ERP44: variants seen among roughly 807,000 people sequenced by gnomAD.
ERP44 encodes the protein endoplasmic reticulum protein 44.
Under a neutral mutation model 53.4 loss-of-function variants are expected in ERP44, and 25 were observed. That is an observed-to-expected ratio of 0.47 (90% CI 0.34 to 0.65). The LOEUF is 0.65. Ranked by LOEUF, ERP44 falls within the 30% of genes least tolerant of loss-of-function variation. ERP44 has a pLI of 0.01. For missense variants in ERP44, 338 were observed against 493.2 expected, an observed-to-expected ratio of 0.69 and a Z score of 2.98; for synonymous variants, 145 against 161.2, an observed-to-expected ratio of 0.90 and a Z score of 0.76.
chr9:100,023,453 G>A (rs1186925310), intron 4 of ERP44, among the ~76,000 whole-genome samples: 2 of 140,510 alleles, frequency 1.4e-5, no homozygotes, highest in African/African-American at 5.3e-5. Flanking sequence ...TTTGAAGACA[G>A]GGTCTTGCTC....
chr9:100,008,403 A>T (rs1830440473), intron 8 of ERP44, among the ~76,000 whole-genome samples: 2 of 152,212 alleles, frequency 1.3e-5, no homozygotes. Context: ...AGAATACTAC[A>T]ATGGGTAGAC....
At chr9:100,069,693 G>A (rs1208986816) in intron 1 of ERP44, among the ~76,000 whole-genome samples, 1 of 152,084 alleles carries the variant, frequency 6.6e-6, no homozygotes, top group Non-Finnish European at 1.5e-5. Flanking sequence ...ATATGGTGCA[G>A]AAATGCTTGA....
chr9:100,066,285 T>C lies in ERP44; in HGVS notation c.58-6113A>G, dbSNP rs1826208915. ...AAATTGCTGTGCTTTTAGAAAAATG[T>C]AGAATGAATCTGTAACCTATCAGAG... is the stretch of plus-strand genomic sequence containing the variant. On this transcript the variant is annotated intron_variant, in intron 1 of 11. Coordinates refer to ENST00000262455, the MANE Select transcript of ERP44 (RefSeq NM_015051.3). Among the ~76,000 whole-genome samples, 8 of 152,248 alleles carry C rather than the reference T, an allele frequency of 5.3e-5. 1 individual carries two copies. The highest frequency in any genetic ancestry group is 5.2e-4 in the Admixed American group (8 of 15,284).
chr9:100,031,229 T>C (rs1386224579), intron 4 of ERP44, among the ~76,000 whole-genome samples: 1 of 152,200 alleles, frequency 6.6e-6, no homozygotes, highest in Non-Finnish European at 1.5e-5. Flanking sequence ...CATTTTGTTC[T>C]ATGTCTTTGG....
intron 1 of ERP44, among the ~76,000 whole-genome samples, chr9:100,068,627 G>GC (rs1197729425): frequency 2.8e-5 from 4 of 143,348 alleles, no homozygotes; most frequent in Non-Finnish European, 4.6e-5. Flanking sequence ...GGGGGGGTCA[G>GC]CCCCCCACCC....
intron 4 of ERP44, among the ~76,000 whole-genome samples, chr9:100,040,063 T>TGGTTTCACTGCTGAATCCTCCCAA (rs1825885893): frequency 6.6e-6 from 1 of 151,946 alleles, no homozygotes. Context: ...CAGGACCTGA[T>TGGTTTCACTGCTGAATCCTCCCAA]GGTTTCACTG....
chr9:100,068,516 A>G (rs1298651183), intron 1 of ERP44, among the ~76,000 whole-genome samples: 8 of 69,558 alleles, frequency 1.2e-4, no homozygotes, highest in African/African-American at 1.7e-4. Context: ...TCCGGGAGGG[A>G]GGTGGGGGTT....
chr9:100,029,278 C>T (rs1453081066), intron 4 of ERP44, among the ~76,000 whole-genome samples: 1 of 152,176 alleles, frequency 6.6e-6, no homozygotes, highest in East Asian at 1.9e-4. Context: ...TATCTGTAAA[C>T]TAATCATCTG....
chr9:100,061,380 G>T (rs1246977205), intron 1 of ERP44, among the ~76,000 whole-genome samples: 1 of 151,418 alleles, frequency 6.6e-6, no homozygotes, highest in East Asian at 1.9e-4. Flanking sequence ...GGAGGTGGAG[G>T]TTGCAGTGAG....
intron 8 of ERP44, among the ~76,000 whole-genome samples, chr9:100,015,073 C>G (rs1830514633): frequency 6.6e-6 from 1 of 152,182 alleles, no homozygotes; most frequent in African/African-American, 2.4e-5. Flanking sequence ...TTCATGAGGA[C>G]TCCATCTCAT....
At chr9:100,079,711 G>C (rs1055898570) in intron 1 of ERP44, among the ~76,000 whole-genome samples, 11 of 152,072 alleles carry the variant, frequency 7.2e-5, no homozygotes, top group Non-Finnish European at 1.5e-4. Flanking sequence ...AGAGGCAGGA[G>C]GATCTTGAGG....
intron 4 of ERP44, among the ~76,000 whole-genome samples, chr9:100,028,009 A>T (rs1201289246): frequency 2.0e-5 from 3 of 152,236 alleles, no homozygotes; most frequent in Admixed American, 6.5e-5. Context: ...CTCAGGCTTA[A>T]CTGCTCATCC....
intron 1 of ERP44, among the ~76,000 whole-genome samples, chr9:100,063,075 C>CAAAAAAAAAAGAAAAAAAAAAAAAAA (rs1826170704): frequency 2.5e-5 from 1 of 40,084 alleles, no homozygotes. Context: ...CCCTGTCTCA[C>CAAAAAAAAAAGAAAAAAAAAAAAAAA]AAAAAAAAAA....
intron 10 of ERP44, among the ~76,000 whole-genome samples, chr9:100,005,894 C>G (rs1472366138): frequency 2.6e-5 from 4 of 152,198 alleles, no homozygotes; most frequent in Non-Finnish European, 5.9e-5. Context: ...ACATTTTTAA[C>G]CACTGTATTT....
chr9:99,992,336 T>TCCC (rs1830264830), intron 10 of ERP44, among the ~76,000 whole-genome samples: 1 of 152,106 alleles, frequency 6.6e-6, no homozygotes. Context: ...GTGGGCTTCA[T>TCCC]CCCTGGGATG....
intron 1 of ERP44, among the ~76,000 whole-genome samples, chr9:100,093,579 G>A (rs1826587000): frequency 6.6e-6 from 1 of 152,072 alleles, no homozygotes; most frequent in Non-Finnish European, 1.5e-5. Context: ...GGAGGTTGAG[G>A]CTACAGTGAG....
At chr9:100,011,477 A>G (rs150296240) in intron 8 of ERP44, among the ~76,000 whole-genome samples, 255 of 152,344 alleles carry the variant, frequency 1.7e-3, no homozygotes, top group African/African-American at 5.8e-3. Context: ...AATGAGAATT[A>G]TGTATATACT....
chr9:99,991,054 C>T (rs1203231774), intron 10 of ERP44, among the ~76,000 whole-genome samples: 1 of 152,158 alleles, frequency 6.6e-6, no homozygotes, highest in East Asian at 1.9e-4. Flanking sequence ...TAGACTCCCA[C>T]ACAATAATAA....
intron 9 of ERP44, 87 bp from the exon 10 acceptor site, chr9:100,006,734 C>A: frequency 5.4e-6 from 5 of 917,914 alleles, no homozygotes; most frequent in Non-Finnish European, 8.1e-6. Context: ...AAGTGACATA[C>A]TAAAAAAAAA....
Sources: allele counts gnomAD v4.1 joint callset (sites outside exome capture counted in the v4.1 genomes callset), GRCh38; gene constraint gnomAD v4.1.1; transcripts MANE v1.5; gene names NCBI Gene and HGNC (gene_info 2026-07-23, HGNC 2026-07-21).